CCBE1: variants seen among roughly 807,000 people sequenced by gnomAD.
CCBE1 encodes collagen and calcium-binding EGF domain-containing protein 1.
A neutral mutation model predicts 50.0 loss-of-function variants in CCBE1; 37 were observed. The observed-to-expected ratio is 0.74, with a 90% CI of 0.57 to 0.97. CCBE1 has a LOEUF of 0.97. CCBE1 is among the 50% of genes least tolerant of loss of function. The pLI is 0.00. For synonymous variants in CCBE1, 234 were observed against 203.7 expected, an observed-to-expected ratio of 1.15 and a Z score of -1.27; for missense variants, 538 against 523.8, an observed-to-expected ratio of 1.03 and a Z score of -0.26.
intron 2 of CCBE1, among the ~76,000 whole-genome samples, chr18:59,682,840 C>T (rs978056277): frequency 9.2e-5 from 14 of 152,176 alleles, no homozygotes; most frequent in African/African-American, 2.2e-4. Flanking sequence ...GTGTAAAACA[C>T]GCAGAGTAAA....
intron 2 of CCBE1, among the ~76,000 whole-genome samples, chr18:59,514,629 TTTC>T (rs1224959327): frequency 6.7e-6 from 1 of 148,192 alleles, no homozygotes; most frequent in South Asian, 2.2e-4. Context: ...TTTTTTTTTT[TTTC>T]TTTCCTTTCC....
At chr18:59,557,017 G>A (rs977764580) in intron 2 of CCBE1, among the ~76,000 whole-genome samples, 6 of 152,154 alleles carry the variant, frequency 3.9e-5, no homozygotes, top group African/African-American at 1.4e-4. Context: ...GCAGCAACCT[G>A]GTTTGCACCC....
In CCBE1 at chr18:59,636,363, G is replaced by A. The variant is rs550877016; in HGVS notation, c.212+60266C>T. ...AGAAAAGAGGCGAACATTTTTAACC[G>A]TAGACCCTGCCTCAAATAGGTCTAT... On this transcript the variant is annotated intron_variant, in intron 2 of 10. Transcript: ENST00000439986. Among the ~76,000 whole-genome samples the A allele has an allele frequency of 4.9e-4, 74 of 152,304 alleles. 1 individual carries two copies. Among genetic ancestry groups the A allele is most frequent in the Admixed American group, 6.5e-4 (10 of 15,302 alleles).
At chr18:59,511,039 T>C (rs1009909464) in intron 2 of CCBE1, among the ~76,000 whole-genome samples, 1 of 152,300 alleles carries the variant, frequency 6.6e-6, no homozygotes, top group Non-Finnish European at 1.5e-5. Context: ...TGACCCCTGC[T>C]CTGAGAATAC....
intron 2 of CCBE1, chr18:59,666,157 G>A (rs2144698396): frequency 6.6e-6 from 1 of 152,340 alleles, no homozygotes; most frequent in South Asian, 2.1e-4. Context: ...ATGGCAGCAG[G>A]CAAAGAGAGA....
intron 2 of CCBE1, among the ~76,000 whole-genome samples, chr18:59,486,668 G>C (rs367834239): frequency 6.6e-6 from 1 of 152,134 alleles, no homozygotes; most frequent in African/African-American, 2.4e-5. Flanking sequence ...CCTCAGCAAG[G>C]CTTAGAAACC....
chr18:59,690,316 G>C (rs971883790), intron 2 of CCBE1, among the ~76,000 whole-genome samples: 1 of 152,186 alleles, frequency 6.6e-6, no homozygotes, highest in Non-Finnish European at 1.5e-5. Context: ...CTTGGCAGAA[G>C]AGGAACTGCA....
chr18:59,605,840 CTTGG>C (rs2053490765), intron 2 of CCBE1, among the ~76,000 whole-genome samples: 1 of 152,146 alleles, frequency 6.6e-6, no homozygotes, highest in Admixed American at 6.5e-5. Context: ...TAGGGGTGGC[CTTGG>C]GATAAGCTAT....
At chr18:59,522,007 G>A (rs35147566) in intron 2 of CCBE1, among the ~76,000 whole-genome samples, 20,632 of 151,920 alleles carry the variant, frequency 0.14, 1,460 homozygotes, top group Middle Eastern at 0.19. Flanking sequence ...TTCTTTATAC[G>A]ATTTTATTCC....
chr18:59,487,106 A>G (rs915388692), intron 2 of CCBE1, among the ~76,000 whole-genome samples: 1 of 148,174 alleles, frequency 6.7e-6, no homozygotes. Flanking sequence ...GCTCCTTCTG[A>G]TGAAGGCTTC....
chr18:59,491,814 C>CCAAACAAACAAA (rs201367103), intron 2 of CCBE1, among the ~76,000 whole-genome samples: 64 of 37,840 alleles, frequency 1.7e-3, no homozygotes, highest in African/African-American at 5.3e-3. Context: ...GACTCTGTCT[C>CCAAACAAACAAA]CAAACAAACA....
chr18:59,694,979 G>A (rs2054784980), intron 2 of CCBE1, among the ~76,000 whole-genome samples: 1 of 152,140 alleles, frequency 6.6e-6, no homozygotes, highest in Admixed American at 6.5e-5. Context: ...ACATGCCAAG[G>A]TGCTGCTAGT....
chr18:59,539,737 T>C (rs1357510842), intron 2 of CCBE1, among the ~76,000 whole-genome samples: 4 of 152,164 alleles, frequency 2.6e-5, no homozygotes, highest in African/African-American at 9.7e-5. Flanking sequence ...TAAATTAAAA[T>C]GAAAAATTCC....
rs150328159 is a variant in CCBE1 at position 59,600,876 on chromosome 18, G to A, written c.212+95753C>T. Among the ~76,000 whole-genome samples, 42 of 152,180 alleles carry A rather than the reference G, an allele frequency of 2.8e-4. 2 individuals carry two copies. The East Asian group carries it at 3.9e-3, about 14-fold the overall frequency. On this transcript the variant is annotated intron_variant, in intron 2 of 10. Coordinates refer to ENST00000439986, the MANE Select transcript of CCBE1 (RefSeq NM_133459.4). ...TCAAGAAGGCTTTAAGGTTGGTAAG[G>A]GGTGGCAGGGAGGAGAGTATACATA...
chr18:59,527,346 T>C (rs1914867976), intron 2 of CCBE1, among the ~76,000 whole-genome samples: 1 of 152,222 alleles, frequency 6.6e-6, no homozygotes, highest in South Asian at 2.1e-4. Context: ...TTCTTTCCAT[T>C]TGCTTGGTAA....
At chr18:59,651,758 C>T (rs2054131244) in intron 2 of CCBE1, among the ~76,000 whole-genome samples, 1 of 152,180 alleles carries the variant, frequency 6.6e-6, no homozygotes, top group South Asian at 2.1e-4. Flanking sequence ...AGGCACTGGG[C>T]CCCACCTTGT....
intron 2 of CCBE1, among the ~76,000 whole-genome samples, chr18:59,563,256 A>G (rs1040550987): frequency 3.9e-5 from 6 of 152,154 alleles, no homozygotes; most frequent in Non-Finnish European, 2.9e-5. Context: ...ATACATGTGG[A>G]TGGGGGTTGG....
At chr18:59,653,926 A>G (rs2054156103) in intron 2 of CCBE1, among the ~76,000 whole-genome samples, 1 of 152,246 alleles carries the variant, frequency 6.6e-6, no homozygotes, top group Non-Finnish European at 1.5e-5. Flanking sequence ...ATGTTGGATT[A>G]ATAAGGAACA....
intron 2 of CCBE1, among the ~76,000 whole-genome samples, chr18:59,589,823 A>T (rs2144531679): frequency 6.6e-6 from 1 of 151,928 alleles, no homozygotes; most frequent in East Asian, 1.9e-4. Flanking sequence ...AAAGAAAAAA[A>T]AAATGTTACA....
Sources: allele counts gnomAD v4.1 joint callset (sites outside exome capture counted in the v4.1 genomes callset), GRCh38; gene constraint gnomAD v4.1.1; transcripts MANE v1.5; gene names NCBI Gene and HGNC (gene_info 2026-07-23, HGNC 2026-07-21).